Variants in HHAT observed in about 807,000 individuals in gnomAD.
The protein encoded by HHAT is protein-cysteine N-palmitoyltransferase HHAT.
Under a neutral mutation model 70.8 loss-of-function variants are expected in HHAT, and 47 were observed. The observed-to-expected ratio is 0.66, with a 90% CI of 0.53 to 0.85. The LOEUF is 0.85. Ranked by LOEUF, HHAT falls within the 40% of genes least tolerant of loss-of-function variation. HHAT has a pLI of 0.00. For synonymous variants in HHAT, 228 were observed against 247.6 expected, an observed-to-expected ratio of 0.92 and a Z score of 0.74; for missense variants, 609 against 604.8, an observed-to-expected ratio of 1.01 and a Z score of -0.07.
chr1:210,358,616 C>T (rs996769250), intron 2 of HHAT, among the ~76,000 whole-genome samples: 1 of 152,230 alleles, frequency 6.6e-6, no homozygotes, highest in Non-Finnish European at 1.5e-5. Flanking sequence ...TTCCCATTCT[C>T]AATGACTACC....
At chr1:210,494,708 C>CATG (rs570777033) in intron 8 of HHAT, among the ~76,000 whole-genome samples, 2 of 151,958 alleles carry the variant, frequency 1.3e-5, no homozygotes, top group East Asian at 3.9e-4. Context: ...TGTGCACCAC[C>CATG]ATGCCTGGCT....
At position 210,464,422 on chromosome 1, in the gene HHAT, G is replaced by C. The variant is rs560732228; in HGVS notation, c.857-83G>C. On this transcript the variant is annotated intron_variant, in intron 7 of 11. Transcript: ENST00000261458. ...GGTGTGGGGAGAAGCGGGGCAGTTG[G>C]CATAGCTCCTGGGGTGTTGGTCTCC... The C allele has an allele frequency of 2.9e-6, 4 of 1,386,016 alleles. No homozygotes were observed. The African/African-American group carries it at 5.7e-5, about 20-fold the overall frequency. The allele number at this position is 1,386,016 out of a possible 1,614,324, so 85.9% of individuals were successfully genotyped here. A position where few individuals can be genotyped will look rare whatever the true frequency, so the allele number is the denominator to read the frequency against.
intron 10 of HHAT, among the ~76,000 whole-genome samples, chr1:210,616,268 A>G (rs930791806): frequency 5.9e-5 from 9 of 152,242 alleles, no homozygotes; most frequent in African/African-American, 1.7e-4. Context: ...GTGTTGTACA[A>G]TAGATTACTT....
intron 2 of HHAT, among the ~76,000 whole-genome samples, chr1:210,349,734 T>C (rs952463545): frequency 6.7e-6 from 1 of 148,664 alleles, no homozygotes; most frequent in Non-Finnish European, 1.5e-5. Context: ...CACTGCAACC[T>C]CTGCCTTCTG....
At chr1:210,644,072 A>C (rs1673520003) in intron 11 of HHAT, among the ~76,000 whole-genome samples, 1 of 152,146 alleles carries the variant, frequency 6.6e-6, no homozygotes, top group Non-Finnish European at 1.5e-5. Flanking sequence ...AGAATTGTAG[A>C]TAGTTAGATC....
intron 9 of HHAT, among the ~76,000 whole-genome samples, chr1:210,562,117 T>G (rs574899409): frequency 6.6e-6 from 1 of 152,276 alleles, no homozygotes; most frequent in South Asian, 2.1e-4. Flanking sequence ...TTACAACTTA[T>G]AGATATCATT....
chr1:210,668,909 G>A (rs1679492576), intron 11 of HHAT, among the ~76,000 whole-genome samples: 2 of 152,150 alleles, frequency 1.3e-5, no homozygotes, highest in South Asian at 2.1e-4. Context: ...CAGTAGCTGG[G>A]ATTACAGGCA....
At chr1:210,368,799 C>G (rs187440575) in intron 3 of HHAT, among the ~76,000 whole-genome samples, 1 of 151,804 alleles carries the variant, frequency 6.6e-6, no homozygotes, top group East Asian at 1.9e-4. Flanking sequence ...GATTCTTGGT[C>G]GGGCACAGTG....
intron 10 of HHAT, among the ~76,000 whole-genome samples, chr1:210,609,190 C>T (rs949784071): frequency 1.3e-5 from 2 of 152,054 alleles, no homozygotes; most frequent in Non-Finnish European, 2.9e-5. Flanking sequence ...CTTTCTGCTC[C>T]TTTTGTTCAA....
chr1:210,430,625 T>G (rs1239023075), intron 7 of HHAT, among the ~76,000 whole-genome samples: 1 of 151,890 alleles, frequency 6.6e-6, no homozygotes, highest in African/African-American at 2.4e-5. Context: ...ATTATAATGC[T>G]CAACATTTTG....
At chr1:210,495,277 A>G (rs1445758625) in intron 8 of HHAT, among the ~76,000 whole-genome samples, 1 of 151,010 alleles carries the variant, frequency 6.6e-6, no homozygotes, top group East Asian at 1.9e-4. Flanking sequence ...TAAAGATTTT[A>G]TATAAATTAT....
chr1:210,523,832 C>G (rs948711705), intron 9 of HHAT, among the ~76,000 whole-genome samples: 1 of 152,120 alleles, frequency 6.6e-6, no homozygotes, highest in African/African-American at 2.4e-5. Flanking sequence ...AATTAAGTGC[C>G]CTAAGTACTA....
intron 3 of HHAT, among the ~76,000 whole-genome samples, chr1:210,366,953 C>G (rs2089047908): frequency 6.6e-6 from 1 of 152,212 alleles, no homozygotes; most frequent in Non-Finnish European, 1.5e-5. Flanking sequence ...CTCTTTACTT[C>G]CTTCCACAAA....
At chr1:210,374,337 T>G (rs1436503450) in intron 3 of HHAT, 3 of 152,210 alleles carry the variant, frequency 2.0e-5, no homozygotes, top group African/African-American at 7.2e-5. Context: ...GTGCCTACAG[T>G]TCGCACAAAA....
chr1:210,386,236 T>TC (rs1558409448), intron 3 of HHAT, among the ~76,000 whole-genome samples: 56 of 75,508 alleles, frequency 7.4e-4, no homozygotes, highest in Non-Finnish European at 1.4e-3. Flanking sequence ...TTTTCTTTTT[T>TC]TTTTTTTTTT....
chr1:210,373,952 A>G lies in HHAT; in HGVS notation c.159+11033A>G, dbSNP rs114879736. Among the ~76,000 whole-genome samples, 1,196 of 152,308 alleles carry G rather than the reference A, an allele frequency of 7.9e-3. 11 individuals carry two copies. Among genetic ancestry groups the G allele is most frequent in the African/African-American group, 0.025 (1,026 of 41,552 alleles). On this transcript the variant is annotated intron_variant, in intron 3 of 11. Coordinates refer to ENST00000261458, the MANE Select transcript of HHAT (RefSeq NM_018194.6). ...TGTGTCTCCAATGTTAATGTTGCTA[A>G]TTAGCAAGTCAGATGTCACCAGGGA...
intron 10 of HHAT, among the ~76,000 whole-genome samples, chr1:210,618,728 T>C (rs1425094297): frequency 6.6e-6 from 1 of 152,190 alleles, no homozygotes; most frequent in Non-Finnish European, 1.5e-5. Context: ...AGTTTTGTTT[T>C]GACCCACGTT....
At chr1:210,599,833 A>C (rs1663842278) in intron 10 of HHAT, among the ~76,000 whole-genome samples, 7 of 152,262 alleles carry the variant, frequency 4.6e-5, no homozygotes, top group Admixed American at 2.6e-4. Flanking sequence ...ATTGTCTTAG[A>C]ACCAGGTCCA....
chr1:210,569,092 G>A (rs533440485), intron 9 of HHAT, among the ~76,000 whole-genome samples: 3 of 152,216 alleles, frequency 2.0e-5, no homozygotes, highest in East Asian at 3.9e-4. Context: ...TAGCAGCAGA[G>A]GCCGGGCACA....
Sources: gnomAD v4.1 joint callset for allele counts (sites outside exome capture counted in the v4.1 genomes callset) on GRCh38, gnomAD v4.1.1 for gene constraint, MANE v1.5 for transcripts, NCBI Gene and HGNC (gene_info 2026-07-23, HGNC 2026-07-21) for gene names.